DNM1: variants seen among roughly 807,000 people sequenced by gnomAD.
DNM1 encodes dynamin-1.
A neutral mutation model predicts 104.6 loss-of-function variants in DNM1; 29 were observed. The ratio of observed to expected loss-of-function variants is 0.28; its 90% CI spans 0.21 to 0.38. The LOEUF is 0.38. DNM1 is among the 10% of genes least tolerant of loss of function. The pLI is 1.00. For missense variants in DNM1, 640 were observed against 1,189.4 expected, an observed-to-expected ratio of 0.54 and a Z score of 6.79; for synonymous variants, 445 against 475.8, an observed-to-expected ratio of 0.94 and a Z score of 0.84.
At position 128,254,867 on chromosome 9, in the gene DNM1, CGTTGGTG is replaced by C. The variant is rs1829758214; in HGVS notation, c.*154_*160del. On this transcript the variant is annotated 3_prime_UTR_variant, in exon 22 of 22. Transcript: ENST00000372923. This position sits in a 1 kb window ranked among gnomAD's most constrained non-coding sequence, Gnocchi z 6.1. Reference sequence around the variant, plus strand: ...GTGAGCTGATACATTCAGGTGTGACCGTTGGTGAAAACTTGTGCCCCTTCTGTGGTAT... The same window carrying C: ...GTGAGCTGATACATTCAGGTGTGACCAAAACTTGTGCCCCTTCTGTGGTAT... 1.5e-6 allele frequency: 1 copy of C among 664,958 alleles called. No homozygotes were observed. The highest frequency in any genetic ancestry group is 1.8e-5 in the African/African-American group (1 of 55,146). 41.2% of individuals were successfully genotyped at this position (664,958 alleles called of 1,614,324 possible).
chr9:128,228,170 T>C (rs747425996), intron 10 of DNM1, among the ~76,000 whole-genome samples: 21 of 151,970 alleles, frequency 1.4e-4, no homozygotes, highest in Admixed American at 5.2e-4. Flanking sequence ...GCCTCCCGAG[T>C]AGCTGGGATT....
chr9:128,208,423 C>T (rs1354489410), intron 1 of DNM1, among the ~76,000 whole-genome samples: 1 of 152,196 alleles, frequency 6.6e-6, no homozygotes, highest in African/African-American at 2.4e-5. Flanking sequence ...GAGCCCTTCT[C>T]TTTGTCAAAC....
rs1183810895 is a variant in DNM1 at position 128,220,767 on chromosome 9, GTC to G, written c.849+428_849+429del. The stretch of plus-strand genomic sequence containing the variant: ...CGTGTGTGTGTGTGTGTGTGTGTGT[GTC>G]TGTCTGACTGTCTGTCTGTGTAGGC... On this transcript the variant is annotated intron_variant, in intron 6 of 21. Transcript: ENST00000372923. The surrounding 1 kb of genome is among the most constrained non-coding windows in gnomAD (Gnocchi z 5.2). 8.6e-5 allele frequency among the ~76,000 whole-genome samples: 13 copies of G among 151,516 alleles called. No homozygotes were observed. The highest frequency in any genetic ancestry group is 1.5e-4 in the African/African-American group (6 of 41,322).
At chr9:128,215,605 C>A (rs992537965) in intron 1 of DNM1, among the ~76,000 whole-genome samples, 20 of 152,212 alleles carry the variant, frequency 1.3e-4, no homozygotes, top group African/African-American at 4.6e-4. Flanking sequence ...TGGCCCAGAC[C>A]CTGACCACCC....
At chr9:128,228,850 G>T (rs568151649) in intron 10 of DNM1, among the ~76,000 whole-genome samples, 1 of 152,162 alleles carries the variant, frequency 6.6e-6, no homozygotes, top group East Asian at 1.9e-4. Flanking sequence ...GGGCATGGTG[G>T]CACGTGCCTG....
chr9:128,216,418 C>T lies in DNM1; in HGVS notation c.162-1813C>T, dbSNP rs552343376. Among the ~76,000 whole-genome samples the T allele has an allele frequency of 9.9e-5, 15 of 152,192 alleles. No individual in the cohort carries two copies. The East Asian group carries it at 1.5e-3, about 16-fold the overall frequency. The stretch of plus-strand genomic sequence containing the variant: ...TAATCTCTATATCAGAGCACAGATT[C>T]GAGGACTTGGAGATTCAATCAGAAT... On this transcript the variant is annotated intron_variant, in intron 1 of 21. Transcript: ENST00000372923.
intron 11 of DNM1, among the ~76,000 whole-genome samples, chr9:128,235,566 T>G (rs539232731): frequency 9.4e-4 from 143 of 152,304 alleles, no homozygotes; most frequent in Middle Eastern, 3.4e-3. Flanking sequence ...CACACTTTGT[T>G]TATTCATGTG....
chr9:128,234,053 G>A lies in DNM1; in HGVS notation c.1368G>A (p.Met456Ile). Residue 456 changes from methionine (M) to isoleucine (I), a missense_variant, in exon 11 of 22, where the codon ATG becomes ATA. Transcript: ENST00000372923. ...LQQYPRLREEMERIVTTHIRE... is the reference protein window; with the variant it reads ...LQQYPRLREEIERIVTTHIRE... ...AGTACCCGCGGCTACGGGAGGAGATGGAGCGCATCGTGACCACCCACATCC... is the reference window on the plus strand; with the variant it reads ...AGTACCCGCGGCTACGGGAGGAGATAGAGCGCATCGTGACCACCCACATCC... 6.3e-7 allele frequency: 1 copy of A among 1,578,480 alleles called. No homozygotes were observed. The highest frequency in any genetic ancestry group is 8.6e-7 in the Non-Finnish European group (1 of 1,162,930).
chr9:128,250,764 C>T lies in DNM1; in HGVS notation c.2358C>T (p.Pro786=), dbSNP rs1418743897. ...GCCCCACGCCGCAGCGCCGAGCCCC[C>T]GCCGTGCCCCCAGCCCGGCCCGGGT... is the stretch of plus-strand genomic sequence containing the variant. ...TSSPTPQRRA[P]AVPPARPGSR... The change falls in exon 21 of 22, where the codon CCC becomes CCT. Residue 786 remains proline (P), a synonymous_variant. Coordinates refer to ENST00000372923, the MANE Select transcript of DNM1 (RefSeq NM_004408.4). The T allele has an allele frequency of 7.0e-7, 1 of 1,418,982 alleles. No individual in the cohort carries two copies. Among genetic ancestry groups the T allele is most frequent in the African/African-American group, 1.5e-5 (1 of 66,874 alleles). 87.9% of individuals were successfully genotyped at this position (1,418,982 alleles called of 1,614,324 possible).
intron 14 of DNM1, among the ~76,000 whole-genome samples, chr9:128,241,603 G>C (rs1836368087): frequency 6.6e-6 from 1 of 152,120 alleles, no homozygotes; most frequent in South Asian, 2.1e-4. Flanking sequence ...ATTTAGCAGG[G>C]GAGGCTGCAT....
intron 1 of DNM1, among the ~76,000 whole-genome samples, chr9:128,205,365 A>G (rs1213144377): frequency 2.0e-5 from 3 of 152,126 alleles, no homozygotes; most frequent in Non-Finnish European, 4.4e-5. Flanking sequence ...AGCCCATCCC[A>G]TGCATCCCCC....
At position 128,219,916 on chromosome 9, in the gene DNM1, G is replaced by A. The variant is rs574239777; in HGVS notation, c.590-72G>A. 1.8e-5 allele frequency: 22 copies of A among 1,231,244 alleles called. No homozygotes were observed. In the South Asian group the frequency reaches 3.2e-4, roughly 18 times the overall value. 76.3% of individuals were successfully genotyped at this position (1,231,244 alleles called of 1,614,324 possible). ...GGGGGCCGAGGAGAGCAGGGGGATG[G>A]GAGTGGGAGTGCATGGAATTGTGTG... On this transcript the variant is annotated intron_variant, in intron 4 of 21. Coordinates refer to ENST00000372923, the MANE Select transcript of DNM1 (RefSeq NM_004408.4).
intron 10 of DNM1, among the ~76,000 whole-genome samples, chr9:128,226,704 A>G (rs183984036): frequency 7.7e-4 from 117 of 152,276 alleles, no homozygotes; most frequent in Non-Finnish European, 1.3e-3. Flanking sequence ...TACTCACTTT[A>G]CAGTAATCCG....
Position 128,250,232 on chromosome 9 carries a change from T to C in DNM1, c.2194T>C (p.Tyr732His). The C allele has an allele frequency of 6.2e-7, 1 of 1,614,088 alleles. No individual in the cohort carries two copies. The highest frequency in any genetic ancestry group is 8.5e-7 in the Non-Finnish European group (1 of 1,180,000). Residue 732 changes from tyrosine to histidine, a missense_variant, in exon 20 of 22, where the codon TAC becomes CAC. Physicochemically the swap from Tyr to His is moderately conservative, Grantham distance 83. Transcript: ENST00000372923. Reference sequence around the variant, plus strand: ...GCGGCGCGACGAGATGCTGCGCATGTACCACGCACTGAAGGAGGCGCTCAG... The same window carrying C: ...GCGGCGCGACGAGATGCTGCGCATGCACCACGCACTGAAGGAGGCGCTCAG... Reference protein sequence around the residue: ...AQRRDEMLRMYHALKEALSII... With the variant: ...AQRRDEMLRMHHALKEALSII...
rs1836264346 is a variant in DNM1, at chr9:128,239,990, G to T, written c.1551G>T (p.Glu517Asp). Residue 517 changes from glutamate to aspartate, a missense_variant, in exon 14 of 22, where the codon GAG (glutamate) becomes GAT (aspartate). Glu to Asp is a conservative substitution (Grantham distance 45). This residue lies in a region of DNM1 where 91 missense variants were observed against 256.3 expected (regional missense o/e 0.36). Transcript: ENST00000372923. ...NKKKTSGNQD[E>D]ILVIRKGWLT... ...CTATGGTTACCTCTTTGCAGGATGAGATTCTGGTGAGTACCAGGACTGGGG... is the reference window on the plus strand; with the variant it reads ...CTATGGTTACCTCTTTGCAGGATGATATTCTGGTGAGTACCAGGACTGGGG... 6.2e-7 allele frequency: 1 copy of T among 1,614,052 alleles called. No individual in the cohort carries two copies. Among genetic ancestry groups the T allele is most frequent in the Non-Finnish European group, 8.5e-7 (1 of 1,180,038 alleles).
chr9:128,231,194 C>CTTTTTTTTTT (rs72047067), intron 10 of DNM1, among the ~76,000 whole-genome samples: 2 of 68,512 alleles, frequency 2.9e-5, no homozygotes, highest in African/African-American at 5.9e-5. Flanking sequence ...ATACTTTTGC[C>CTTTTTTTTTT]TTTTTTTTTT....
chr9:128,225,882 C>T lies in DNM1; in HGVS notation c.1335+1493C>T, dbSNP rs7024409. ...GCTCACATTGTCTTCTGTTCTCTCT[C>T]TCTCTTTATCTGTGTCGATGTCTCT... On this transcript the variant is annotated intron_variant, in intron 10 of 21. Coordinates refer to ENST00000372923, the MANE Select transcript of DNM1 (RefSeq NM_004408.4). 0.042 allele frequency among the ~76,000 whole-genome samples: 6,333 copies of T among 151,980 alleles called. 458 individuals are homozygous for T. The highest frequency in any genetic ancestry group is 0.14 in the African/African-American group (5,942 of 41,388).
intron 1 of DNM1, among the ~76,000 whole-genome samples, chr9:128,206,719 C>T (rs1024122713): frequency 2.6e-5 from 4 of 152,076 alleles, no homozygotes; most frequent in African/African-American, 2.4e-5. Context: ...AAAGGAGACC[C>T]TGTAGCTGGT....
At chr9:128,204,830 C>G (rs929095969) in intron 1 of DNM1, 26 of 152,246 alleles carry the variant, frequency 1.7e-4, no homozygotes, top group African/African-American at 6.0e-4. Flanking sequence ...GGCCCTTGTC[C>G]GCAGAGGTAC....
Sources: gnomAD v4.1 joint callset for allele counts (sites outside exome capture counted in the v4.1 genomes callset) on GRCh38, gnomAD v4.1.1 for gene constraint, gnomAD v4.1.1 regional missense constraint, Gnocchi (gnomAD v3.1) non-coding constraint, MANE v1.5 for transcripts, NCBI Gene and HGNC (gene_info 2026-07-23, HGNC 2026-07-21) for gene names.